The following PKP4 variants were observed in gnomAD, a reference collection of about 807,000 sequenced individuals.
The protein encoded by PKP4 is plakophilin-4.
Under a neutral mutation model 145.1 loss-of-function variants are expected in PKP4, and 90 were observed. The observed-to-expected ratio is 0.62, with a 90% CI of 0.52 to 0.74. The LOEUF (loss-of-function observed/expected upper bound fraction) is 0.74. PKP4 is among the 30% of genes least tolerant of loss of function. The probability of loss-of-function intolerance (pLI) is 0.00; values close to 1 mark genes in which losing one functional copy is unlikely to be tolerated. For synonymous variants in PKP4, 563 were observed against 577.2 expected, an observed-to-expected ratio of 0.98 and a Z score of 0.35; for missense variants, 1,340 against 1,482.7, an observed-to-expected ratio of 0.90 and a Z score of 1.58.
chr2:158,575,877 T>C (rs2047801190), intron 2 of PKP4, among the ~76,000 whole-genome samples: 1 of 152,230 alleles, frequency 6.6e-6, no homozygotes, highest in Non-Finnish European at 1.5e-5. Flanking sequence ...TTGGTTATCT[T>C]AGCCTGGTAC....
chr2:158,472,022 A>C (rs1266806258), intron 1 of PKP4, among the ~76,000 whole-genome samples: 1 of 152,224 alleles, frequency 6.6e-6, no homozygotes, highest in Admixed American at 6.5e-5. Flanking sequence ...CTGAAAGTGA[A>C]TCAATAGGAA....
intron 3 of PKP4, among the ~76,000 whole-genome samples, chr2:158,594,996 AT>A (rs985331441): frequency 6.6e-6 from 1 of 152,182 alleles, no homozygotes; most frequent in Non-Finnish European, 1.5e-5. Context: ...GCTTAGTGCA[AT>A]GATGAAGAGC....
At chr2:158,651,490 C>G (rs574082475) in intron 11 of PKP4, among the ~76,000 whole-genome samples, 1 of 152,216 alleles carries the variant, frequency 6.6e-6, no homozygotes, top group South Asian at 2.1e-4. Flanking sequence ...TTCCCACCTG[C>G]CTGTCCAAAT....
chr2:158,465,763 A>AT (rs1690510055), intron 1 of PKP4, among the ~76,000 whole-genome samples: 1 of 152,296 alleles, frequency 6.6e-6, no homozygotes, highest in Admixed American at 6.5e-5. Context: ...ACTTACTGTC[A>AT]TTTTGTCGAC....
chr2:158,498,440 T>G (rs559662190), intron 1 of PKP4, among the ~76,000 whole-genome samples: 1 of 152,352 alleles, frequency 6.6e-6, no homozygotes, highest in South Asian at 2.1e-4. Context: ...TTTTTTGTTG[T>G]GAGATGCTTT....
intron 2 of PKP4, among the ~76,000 whole-genome samples, chr2:158,565,734 T>C (rs187925133): frequency 3.3e-5 from 5 of 152,260 alleles, no homozygotes; most frequent in African/African-American, 9.6e-5. Flanking sequence ...ACGCAGCCTG[T>C]AGCTAGATGT....
chr2:158,599,278 C>T, intron 3 of PKP4, among the ~76,000 whole-genome samples: 1 of 152,070 alleles, frequency 6.6e-6, no homozygotes, highest in South Asian at 2.1e-4. Context: ...GGATAAAGGC[C>T]AGAACAGTGT....
chr2:158,606,109 C>CT (rs2105857683), intron 4 of PKP4, among the ~76,000 whole-genome samples: 1 of 152,234 alleles, frequency 6.6e-6, no homozygotes, highest in African/African-American at 2.4e-5. Context: ...TTTCAGTTCT[C>CT]TTAAGTATAA....
At chr2:158,538,919 A>G (rs1048224923) in intron 2 of PKP4, among the ~76,000 whole-genome samples, 2 of 152,182 alleles carry the variant, frequency 1.3e-5, no homozygotes, top group Admixed American at 1.3e-4. Flanking sequence ...GCCAATCCAG[A>G]TAGCATGAAC....
intron 7 of PKP4, among the ~76,000 whole-genome samples, chr2:158,631,267 T>A (rs376529777): frequency 5.0e-4 from 76 of 152,134 alleles, no homozygotes; most frequent in African/African-American, 1.7e-3. Flanking sequence ...AATATATATA[T>A]GCAGTACTTT....
chr2:158,469,893 T>C (rs1003817251), intron 1 of PKP4, among the ~76,000 whole-genome samples: 2 of 152,214 alleles, frequency 1.3e-5, no homozygotes, highest in Non-Finnish European at 2.9e-5. Context: ...TTACCTGTTA[T>C]GTCCTTCTCT....
intron 2 of PKP4, chr2:158,533,550 A>G (rs2043769085): frequency 1.7e-6 from 1 of 603,026 alleles, no homozygotes; most frequent in Non-Finnish European, 3.2e-6. Context: ...GACAATCTCG[A>G]TGGTGATCGG....
chr2:158,487,204 A>G (rs1694291020), intron 1 of PKP4, among the ~76,000 whole-genome samples: 1 of 152,188 alleles, frequency 6.6e-6, no homozygotes, highest in African/African-American at 2.4e-5. Flanking sequence ...AACAATTTGC[A>G]AGTGACATAG....
intron 3 of PKP4, among the ~76,000 whole-genome samples, chr2:158,592,872 A>G (rs1457558225): frequency 6.6e-6 from 1 of 152,168 alleles, no homozygotes; most frequent in Admixed American, 6.6e-5. Flanking sequence ...TTGTAATTAT[A>G]AATTTCAAGG....
rs112232635 is a variant in PKP4, at chr2:158,545,427, G to A, written c.132+12111G>A. Among the ~76,000 whole-genome samples, 488 of 152,262 alleles carry A rather than the reference G, an allele frequency of 3.2e-3. 3 individuals carry two copies. The highest frequency in any genetic ancestry group is 4.8e-3 in the Admixed American group (73 of 15,272). On this transcript the variant is annotated intron_variant, in intron 2 of 21. Coordinates refer to ENST00000389759, the MANE Select transcript of PKP4 (RefSeq NM_003628.6). The stretch of plus-strand genomic sequence containing the variant: ...TCTTTTAAGTCATAAACCGCTGAAG[G>A]TCAGGTGCCCTTGTTAAATATTGTT...
At chr2:158,675,137 G>A (rs2057892594) in intron 19 of PKP4, among the ~76,000 whole-genome samples, 1 of 152,158 alleles carries the variant, frequency 6.6e-6, no homozygotes, top group Non-Finnish European at 1.5e-5. Context: ...TGGGAATAGA[G>A]GTGCCAGGGA....
At chr2:158,484,663 A>T (rs889242344) in intron 1 of PKP4, among the ~76,000 whole-genome samples, 3 of 152,252 alleles carry the variant, frequency 2.0e-5, no homozygotes, top group Non-Finnish European at 2.9e-5. Context: ...GATAAAGATG[A>T]TGACAATCAG....
chr2:158,546,535 G>C (rs1040942140), intron 2 of PKP4, among the ~76,000 whole-genome samples: 3 of 152,194 alleles, frequency 2.0e-5, no homozygotes, highest in African/African-American at 7.2e-5. Flanking sequence ...TTTTGGTTGA[G>C]AGAAGTAGCA....
intron 2 of PKP4, among the ~76,000 whole-genome samples, chr2:158,538,255 G>A (rs1211818508): frequency 6.6e-6 from 1 of 152,290 alleles, no homozygotes; most frequent in East Asian, 1.9e-4. Flanking sequence ...CAAGCATCAT[G>A]TGCAGGGTAT....
Sources: gnomAD v4.1 joint callset for allele counts (sites outside exome capture counted in the v4.1 genomes callset) on GRCh38, gnomAD v4.1.1 for gene constraint, MANE v1.5 for transcripts, NCBI Gene and HGNC (gene_info 2026-07-23, HGNC 2026-07-21) for gene names.